The following PDE1C variants were observed in gnomAD, a reference collection of about 807,000 sequenced individuals.
PDE1C encodes the protein dual specificity calcium/calmodulin-dependent 3',5'-cyclic nucleotide phosphodiesterase 1C.
Under a neutral mutation model 93.1 loss-of-function variants are expected in PDE1C, and 62 were observed. The ratio of observed to expected loss-of-function variants is 0.67; its 90% CI spans 0.54 to 0.82. PDE1C has a LOEUF of 0.82. Among genes scored for constraint, PDE1C ranks in the 40% least tolerant of loss-of-function variants. The pLI is 0.00. For missense variants in PDE1C, 742 were observed against 884.6 expected, an observed-to-expected ratio of 0.84 and a Z score of 2.04; for synonymous variants, 325 against 310.1, an observed-to-expected ratio of 1.05 and a Z score of -0.50.
At chr7:32,134,913 C>T (rs991575348) in intron 3 of PDE1C, among the ~76,000 whole-genome samples, 1 of 152,120 alleles carries the variant, frequency 6.6e-6, no homozygotes, top group Non-Finnish European at 1.5e-5. Flanking sequence ...TATCCCAGAA[C>T]TTAATGTGTA....
the PDE1C span, among the ~76,000 whole-genome samples, chr7:31,687,631 A>G: frequency 2.6e-4 from 39 of 152,350 alleles, no homozygotes; most frequent in South Asian, 1.0e-3. Context: ...ATGCTTCTCA[A>G]AACACATTCT....
At chr7:31,978,325 G>A (rs1440453827) in intron 2 of PDE1C, among the ~76,000 whole-genome samples, 2 of 152,150 alleles carry the variant, frequency 1.3e-5, no homozygotes, top group African/African-American at 2.4e-5. Context: ...TTTAGAGGAT[G>A]TACATTTTAG....
intron 3 of PDE1C, among the ~76,000 whole-genome samples, chr7:32,084,687 G>A (rs1796951176): frequency 6.9e-6 from 1 of 145,338 alleles, no homozygotes; most frequent in South Asian, 2.3e-4. Context: ...TAGAACTCAG[G>A]ATTAAGAAAC....
At chr7:32,251,828 T>C (rs1223318077) in intron 1 of PDE1C, among the ~76,000 whole-genome samples, 3 of 152,224 alleles carry the variant, frequency 2.0e-5, no homozygotes, top group African/African-American at 4.8e-5. Flanking sequence ...CTCCTTATGA[T>C]TGCTGACAAA....
intron 2 of PDE1C, among the ~76,000 whole-genome samples, chr7:32,006,580 C>T (rs1315566463): frequency 3.3e-5 from 5 of 152,110 alleles, no homozygotes; most frequent in Non-Finnish European, 7.3e-5. Flanking sequence ...CTGGTACTAG[C>T]AGTACAAGAT....
intron 7 of PDE1C, chr7:31,850,999 C>G (rs1054822666): frequency 2.6e-6 from 1 of 378,226 alleles, no homozygotes; most frequent in African/African-American, 2.1e-5. Flanking sequence ...AGAGAATGAA[C>G]ATGAAGACTT....
the PDE1C span, among the ~76,000 whole-genome samples, chr7:31,626,495 T>C: frequency 6.6e-6 from 1 of 152,260 alleles, no homozygotes; most frequent in Non-Finnish European, 1.5e-5. Context: ...ATTTCCTTTC[T>C]GTAGTATGCT....
intron 2 of PDE1C, among the ~76,000 whole-genome samples, chr7:31,931,677 A>T (rs1170544906): frequency 6.6e-6 from 1 of 152,230 alleles, no homozygotes; most frequent in African/African-American, 2.4e-5. Context: ...AGTAATTTAT[A>T]GATTCAATGC....
At chr7:32,142,923 T>C (rs1012393363) in intron 3 of PDE1C, among the ~76,000 whole-genome samples, 2 of 152,144 alleles carry the variant, frequency 1.3e-5, no homozygotes, top group Non-Finnish European at 1.5e-5. Flanking sequence ...CAAAACATTT[T>C]AGGGTAGTTC....
intron 16 of PDE1C, chr7:31,789,869 T>C: frequency 9.6e-7 from 1 of 1,038,092 alleles, no homozygotes; most frequent in Non-Finnish European, 1.2e-6. Context: ...TTTTCAGGCC[T>C]CTCCCAGCAT....
intron 1 of PDE1C, among the ~76,000 whole-genome samples, chr7:32,222,761 G>A (rs1806969154): frequency 1.3e-5 from 2 of 152,160 alleles, no homozygotes; most frequent in Admixed American, 1.3e-4. Flanking sequence ...TCACACAGAT[G>A]TGCATTAGGA....
intron 5 of PDE1C, among the ~76,000 whole-genome samples, chr7:31,876,609 G>A (rs1796622801): frequency 6.6e-6 from 1 of 152,154 alleles, no homozygotes; most frequent in Non-Finnish European, 1.5e-5. Context: ...GAGTTTGATT[G>A]AACATTCAGG....
intron 4 of PDE1C, among the ~76,000 whole-genome samples, chr7:31,878,539 T>C (rs1182606634): frequency 3.3e-5 from 5 of 152,238 alleles, no homozygotes; most frequent in Admixed American, 2.6e-4. Flanking sequence ...TTCTGGAATC[T>C]ATTGCTGGGT....
chr7:31,991,057 A>G (rs1201757786), intron 2 of PDE1C, among the ~76,000 whole-genome samples: 1 of 152,230 alleles, frequency 6.6e-6, no homozygotes, highest in Non-Finnish European at 1.5e-5. Context: ...TTTTTAATAA[A>G]TTTAACTATT....
intron 12 of PDE1C, among the ~76,000 whole-genome samples, chr7:31,826,463 G>C (rs1180750053): frequency 3.3e-5 from 5 of 152,148 alleles, no homozygotes; most frequent in Non-Finnish European, 5.9e-5. Flanking sequence ...GTTTTAAGCT[G>C]AAACTAAAGT....
At chr7:31,825,070 G>A (rs1789487431) in intron 12 of PDE1C, 83 bp from the exon 13 acceptor site, 1 of 1,541,744 alleles carries the variant, frequency 6.5e-7, no homozygotes, top group African/African-American at 1.4e-5. Flanking sequence ...TGATCTAGAA[G>A]TTCCAGATCA....
intron 1 of PDE1C, among the ~76,000 whole-genome samples, chr7:32,267,586 ACTCT>A (rs57210713): frequency 1.2e-3 from 140 of 117,594 alleles, no homozygotes; most frequent in Middle Eastern, 4.8e-3. Flanking sequence ...ACACACACAC[ACTCT>A]CTCTCTCTCT....
At position 31,950,510 on chromosome 7, in the gene PDE1C, G is replaced by A. The variant is rs116226716; in HGVS notation, c.129-69650C>T. Among the ~76,000 whole-genome samples, 683 of 152,246 alleles carry A rather than the reference G, an allele frequency of 4.5e-3. 3 individuals are homozygous for A. Among genetic ancestry groups the A allele is most frequent in the African/African-American group, 0.016 (658 of 41,554 alleles). ...GAACTAAAATAGTTACTGCCACAAC[G>A]CTAACCACTTATCAGATACAGGATC... On this transcript the variant is annotated intron_variant, in intron 2 of 17. Transcript: ENST00000396191.
chr7:32,147,268 GAAAAAA>G (rs60286971), intron 3 of PDE1C, among the ~76,000 whole-genome samples: 1 of 46,744 alleles, frequency 2.1e-5, no homozygotes, highest in South Asian at 8.1e-4. Context: ...AAGAAAGAAA[GAAAAAA>G]AGAAAGAAAG....
Sources: gnomAD v4.1 joint callset for allele counts (sites outside exome capture counted in the v4.1 genomes callset) on GRCh38, gnomAD v4.1.1 for gene constraint, MANE v1.5 for transcripts, NCBI Gene and HGNC (gene_info 2026-07-23, HGNC 2026-07-21) for gene names.